Variants in FBXO40 observed in about 807,000 individuals in gnomAD.
FBXO40 encodes the protein F-box protein 40.
Under a neutral mutation model 49.9 loss-of-function variants are expected in FBXO40, and 50 were observed. The observed-to-expected ratio is 1.00, with a 90% CI of 0.80 to 1.27. FBXO40 has a LOEUF of 1.27. Ranked by LOEUF, FBXO40 falls within the 50% of genes most tolerant of loss-of-function variation. The pLI, the probability that FBXO40 is intolerant of heterozygous loss-of-function variation, is 0.00. For missense variants in FBXO40, 895 were observed against 870.1 expected (o/e 1.03, Z -0.36); for synonymous variants, 340 against 320.2 (o/e 1.06, Z -0.66).
At chr3:121,613,092 C>A (rs2048976451) in intron 1 of FBXO40, among the ~76,000 whole-genome samples, 1 of 143,210 alleles carries the variant, frequency 7.0e-6, no homozygotes, top group African/African-American at 2.6e-5. Flanking sequence ...AAAAAAAATT[C>A]TCTTAAGCCC....
At chr3:121,624,828 G>A (rs745649527) in intron 3 of FBXO40, among the ~76,000 whole-genome samples, 1 of 151,996 alleles carries the variant, frequency 6.6e-6, no homozygotes, top group African/African-American at 2.4e-5. Flanking sequence ...ATACTACACT[G>A]TATCTCGTGG....
rs989701082 is a variant in FBXO40, at chr3:121,627,200, T to C, written c.*290T>C. 2.7e-6 allele frequency: 1 copy of C among 375,830 alleles called. No homozygotes were observed. Among genetic ancestry groups the C allele is most frequent in the Non-Finnish European group, 4.9e-6 (1 of 203,532 alleles). 23.3% of individuals were successfully genotyped at this position (375,830 alleles called of 1,614,324 possible). On this transcript the variant is annotated 3_prime_UTR_variant, in exon 4 of 4. Transcript: ENST00000338040. ...TGGTCTGAGAAGAAAATAAGTAATT[T>C]GAGGCCATTTGGAAGATGGGCCCAA... is the stretch of plus-strand genomic sequence containing the variant.
In FBXO40 at chr3:121,622,712, C is replaced by G; in HGVS notation, c.1283C>G (p.Thr428Arg). ...SIDGLFMDFA[T>R]QTYNFEPEQF... ...GATGGACTGTTCATGGATTTTGCCA[C>G]ACAAACATACAACTTTGAGCCAGAA... is the stretch of plus-strand genomic sequence containing the variant. Residue 428 changes from threonine (T) to arginine (R), a missense_variant, in exon 3 of 4, where the codon ACA becomes AGA. Physicochemically the swap from Thr to Arg is moderately conservative, Grantham distance 71. Transcript: ENST00000338040. 1.2e-6 allele frequency: 2 copies of G among 1,614,176 alleles called. No homozygotes were observed. Among genetic ancestry groups the G allele is most frequent in the East Asian group, 2.2e-5 (1 of 44,884 alleles).
chr3:121,623,139 G>C lies in FBXO40; in HGVS notation c.1710G>C (p.Gln570His). Reference sequence around the variant, plus strand: ...TTTTGGGTCATGGAGGAAAAAGCCAGAATTCTTTAACCAGCCTGCCCCTGG... The same window carrying C: ...TTTTGGGTCATGGAGGAAAAAGCCACAATTCTTTAACCAGCCTGCCCCTGG... ...NHLLGHGGKS[Q>H]NSLTSLPLEI... Residue 570 changes from glutamine (Q) to histidine (H), a missense_variant, in exon 3 of 4, where the codon CAG becomes CAC. Coordinates refer to ENST00000338040, the MANE Select transcript of FBXO40 (RefSeq NM_016298.4). 1 of 1,614,228 alleles carries C rather than the reference G, an allele frequency of 6.2e-7. No homozygotes were observed.
intron 3 of FBXO40, 75 bp downstream of exon 3, chr3:121,623,418 C>G: frequency 1.5e-6 from 2 of 1,314,062 alleles, no homozygotes; most frequent in Admixed American, 4.5e-5. Context: ...GGTTCTCTCT[C>G]TGTTGCCCAG....
At position 121,606,318 on chromosome 3, in the gene FBXO40, G is replaced by A. The variant is rs141537089; in HGVS notation, c.-31+12816G>A. On this transcript the variant is annotated intron_variant, in intron 1 of 3. Coordinates refer to ENST00000338040, the MANE Select transcript of FBXO40 (RefSeq NM_016298.4). ...GGTAGACTAGATTAGCAGACTGGGC[G>A]TCGGTAGCTTGTGGGGCTCCATAAG... Among the ~76,000 whole-genome samples, 393 of 152,306 alleles carry A rather than the reference G, an allele frequency of 2.6e-3. 3 individuals carry two copies. The highest frequency in any genetic ancestry group is 8.8e-3 in the African/African-American group (364 of 41,560).
intron 1 of FBXO40, among the ~76,000 whole-genome samples, chr3:121,599,577 G>A (rs2048890265): frequency 6.7e-6 from 1 of 150,096 alleles, no homozygotes; most frequent in South Asian, 2.1e-4. Context: ...CCTTTTCACA[G>A]TGAAGAATTT....
At position 121,621,686 on chromosome 3, in the gene FBXO40, AGGTGTGCCCCGCCAGCGT is replaced by A. The variant is rs1376452769; in HGVS notation, c.261_278del (p.Pro89_Cys94del). On this transcript the variant is annotated inframe_deletion, in exon 3 of 4. Transcript: ENST00000338040. ...CGCCACAAACTGGCCAAGCACCTGC[AGGTGTGCCCCGCCAGCGT>A]GGTCTGCTGCTCCATGGAGTGGAAC... 6.2e-7 allele frequency: 1 copy of A among 1,614,122 alleles called. No individual in the cohort carries two copies. Among genetic ancestry groups the A allele is most frequent in the Non-Finnish European group, 8.5e-7 (1 of 1,180,030 alleles).
chr3:121,626,336 T>A (rs966540155), intron 3 of FBXO40, among the ~76,000 whole-genome samples: 3 of 152,218 alleles, frequency 2.0e-5, no homozygotes, highest in African/African-American at 7.2e-5. Context: ...TTTTGGTATC[T>A]CCAACAAAAG....
chr3:121,609,026 G>A (rs1206526387), intron 1 of FBXO40, among the ~76,000 whole-genome samples: 1 of 152,052 alleles, frequency 6.6e-6, no homozygotes, highest in African/African-American at 2.4e-5. Flanking sequence ...ATACAGACTT[G>A]AAATGTTTGC....
At chr3:121,598,510 G>A (rs9849849) in intron 1 of FBXO40, among the ~76,000 whole-genome samples, 54,248 of 152,056 alleles carry the variant, frequency 0.36, 10,182 homozygotes, top group East Asian at 0.64. Context: ...TTCATACAGA[G>A]CTAGATTTTT....
At chr3:121,604,942 A>AGGC (rs1444586029) in intron 1 of FBXO40, among the ~76,000 whole-genome samples, 3 of 61,728 alleles carry the variant, frequency 4.9e-5, no homozygotes, top group Non-Finnish European at 1.2e-4. Context: ...GGCTTTATTT[A>AGGC]TTTATTTATT....
At position 121,622,285 on chromosome 3, in the gene FBXO40, G is replaced by C. The variant is rs375349813; in HGVS notation, c.856G>C (p.Gly286Arg). 4 of 1,614,092 alleles carry C rather than the reference G, an allele frequency of 2.5e-6. No homozygotes were observed. The African/African-American group carries it at 5.3e-5, about 22-fold the overall frequency. ...QDVRTAMETT[G>R]LAPWQDGVLE... ...CGTTCGTACAGCCATGGAAACCACA[G>C]GGCTTGCCCCTTGGCAGGATGGTGT... The change falls in exon 3 of 4, where the codon GGG (glycine) becomes CGG (arginine). Residue 286 changes from glycine (G) to arginine (R), a missense_variant. By Grantham distance (125) the Gly-to-Arg change is moderately radical. Transcript: ENST00000338040.
intron 1 of FBXO40, among the ~76,000 whole-genome samples, chr3:121,619,000 G>C (rs185996910): frequency 2.0e-5 from 3 of 148,458 alleles, no homozygotes; most frequent in Admixed American, 6.7e-5. Context: ...TTTTTTGTTT[G>C]TTTGTTTGTT....
intron 3 of FBXO40, among the ~76,000 whole-genome samples, chr3:121,624,888 AT>A (rs2049053645): frequency 6.6e-6 from 1 of 152,078 alleles, no homozygotes; most frequent in Admixed American, 6.5e-5. Flanking sequence ...TTAAAAAAAA[AT>A]CTCTTCAAAT....
Position 121,621,499 on chromosome 3 carries a change from C to G in FBXO40, c.70C>G (p.His24Asp), listed in dbSNP as rs1329778919. Residue 24 changes from histidine to aspartate, a missense_variant, in exon 3 of 4, where the codon CAC becomes GAC. Transcript: ENST00000338040. ...TGAGGGATGCTTCAACCGCCACTGCCACATTCCTGTGGAACCCAACACCTC... is the reference window on the plus strand; with the variant it reads ...TGAGGGATGCTTCAACCGCCACTGCGACATTCCTGTGGAACCCAACACCTC... Reference protein sequence around the residue: ...HCEGCFNRHCHIPVEPNTSCL... With the variant: ...HCEGCFNRHCDIPVEPNTSCL... 4 of 1,614,120 alleles carry G rather than the reference C, an allele frequency of 2.5e-6. No homozygotes were observed. Among genetic ancestry groups the G allele is most frequent in the Non-Finnish European group, 3.4e-6 (4 of 1,180,048 alleles).
At position 121,623,040 on chromosome 3, in the gene FBXO40, CCAG is replaced by C; in HGVS notation, c.1612_1614del (p.Gln538del). The stretch of plus-strand genomic sequence containing the variant: ...GGCAAAAGGCAAAAGTAATCTATAG[CCAG>C]GAGCTCAAGACCTTTGCCATTAAGC... On this transcript the variant is annotated inframe_deletion, in exon 3 of 4. Transcript: ENST00000338040. The C allele has an allele frequency of 1.2e-6, 2 of 1,614,194 alleles. No homozygotes were observed. Among genetic ancestry groups the C allele is most frequent in the Non-Finnish European group, 1.7e-6 (2 of 1,180,036 alleles).
chr3:121,618,301 T>C (rs1040823562), intron 1 of FBXO40, among the ~76,000 whole-genome samples: 4 of 151,930 alleles, frequency 2.6e-5, no homozygotes, highest in African/African-American at 4.8e-5. Flanking sequence ...ACAATATTAT[T>C]ATAAGTCTTT....
intron 3 of FBXO40, among the ~76,000 whole-genome samples, chr3:121,623,777 G>A (rs142042546): frequency 0.02 from 2,744 of 137,972 alleles, 76 homozygotes; most frequent in African/African-American, 0.071. Flanking sequence ...CAACCTCCAC[G>A]TTCCAGGTTC....
Sources: gnomAD v4.1 joint callset for allele counts (sites outside exome capture counted in the v4.1 genomes callset) on GRCh38, gnomAD v4.1.1 for gene constraint, MANE v1.5 for transcripts, NCBI Gene and HGNC (gene_info 2026-07-23, HGNC 2026-07-21) for gene names.